The following TBPL1 variants were observed in gnomAD, a reference collection of about 807,000 sequenced individuals.
The protein encoded by TBPL1 is TATA-box binding protein like 1.
In TBPL1, 4 loss-of-function variants were observed where a neutral mutation model predicts 22.1. The ratio of observed to expected loss-of-function variants is 0.18; its 90% CI spans 0.09 to 0.41. The LOEUF is 0.41. Among genes scored for constraint, TBPL1 ranks in the 10% least tolerant of loss-of-function variants. TBPL1 has a pLI of 1.00. For synonymous variants in TBPL1, 64 were observed against 71.0 expected (o/e 0.90, Z 0.50); for missense variants, 115 against 222.3 (o/e 0.52, Z 3.07).
intron 1 of TBPL1, among the ~76,000 whole-genome samples, chr6:133,955,791 A>G (rs913848979): frequency 1.3e-5 from 2 of 152,324 alleles, no homozygotes; most frequent in Middle Eastern, 6.8e-3. Flanking sequence ...TTCTTATTCT[A>G]AAAAAATTAT....
In TBPL1 at chr6:133,987,625, TG is replaced by T. The variant is rs1490635174; in HGVS notation, c.*586del. Reference sequence around the variant, plus strand: ...GTTGGCTTCTTTTTGAAGTGTATTTTGTGTGTGTGTGTGTGTGTGTGTGTAT... The same window carrying T: ...GTTGGCTTCTTTTTGAAGTGTATTTTTGTGTGTGTGTGTGTGTGTGTGTAT... On this transcript the variant is annotated 3_prime_UTR_variant, in exon 7 of 7. Transcript: ENST00000237264. 5.3e-5 allele frequency: 2 copies of T among 37,766 alleles called. No homozygotes were observed. Among genetic ancestry groups the T allele is most frequent in the Non-Finnish European group, 1.8e-4 (2 of 10,916 alleles). The allele number at this position is 37,766 out of a possible 1,614,324, so 2.3% of individuals were successfully genotyped here. A position where few individuals can be genotyped will look rare whatever the true frequency, so the allele number is the denominator to read the frequency against.
At chr6:133,986,203 A>G (rs1347211461) in intron 6 of TBPL1, among the ~76,000 whole-genome samples, 1 of 152,168 alleles carries the variant, frequency 6.6e-6, no homozygotes, top group East Asian at 1.9e-4. Flanking sequence ...GAGAGTTTAC[A>G]GTGGGTGGAT....
intron 1 of TBPL1, among the ~76,000 whole-genome samples, chr6:133,959,847 A>T (rs993409608): frequency 6.6e-6 from 1 of 152,244 alleles, no homozygotes; most frequent in African/African-American, 2.4e-5. Context: ...AGATATGAAC[A>T]TAATAAAGTC....
intron 1 of TBPL1, among the ~76,000 whole-genome samples, chr6:133,967,218 T>G (rs949517242): frequency 5.3e-5 from 8 of 152,224 alleles, no homozygotes; most frequent in Non-Finnish European, 1.2e-4. Flanking sequence ...ATGCTTAGAT[T>G]TCCAGTTCAT....
At chr6:133,960,822 G>C (rs2114327665) in intron 1 of TBPL1, among the ~76,000 whole-genome samples, 1 of 152,278 alleles carries the variant, frequency 6.6e-6, no homozygotes, top group African/African-American at 2.4e-5. Flanking sequence ...ACATGGGTGA[G>C]TTAGAACCCT....
At chr6:133,985,367 C>T (rs1318543380) in intron 6 of TBPL1, among the ~76,000 whole-genome samples, 3 of 112,748 alleles carry the variant, frequency 2.7e-5, no homozygotes, top group Middle Eastern at 6.0e-3. Flanking sequence ...TATATGTATC[C>T]ATAGTATGAT....
chr6:133,981,281 C>A (rs1169343354), intron 2 of TBPL1, among the ~76,000 whole-genome samples: 1 of 152,072 alleles, frequency 6.6e-6, no homozygotes, highest in East Asian at 1.9e-4. Flanking sequence ...GTCATTAATT[C>A]TTAGTACTAG....
chr6:133,972,219 T>C (rs1776235735), intron 1 of TBPL1, among the ~76,000 whole-genome samples: 1 of 152,244 alleles, frequency 6.6e-6, no homozygotes, highest in African/African-American at 2.4e-5. Context: ...AAAGTCTGTC[T>C]ACATAACCAC....
In TBPL1 at chr6:133,974,922, A is replaced by G. The variant is rs537840023; in HGVS notation, c.-44-5160A>G. Among the ~76,000 whole-genome samples the G allele has an allele frequency of 2.1e-3, 316 of 152,352 alleles. 2 individuals carry two copies. Among genetic ancestry groups the G allele is most frequent in the African/African-American group, 7.2e-3 (300 of 41,590 alleles). On this transcript the variant is annotated intron_variant, in intron 1 of 6. Coordinates refer to ENST00000237264, the MANE Select transcript of TBPL1 (RefSeq NM_004865.4). ...TTTAATATCATTAGAATTAAGGGAT[A>G]ATGAAAACACATATCCAACTTCAGT... is the stretch of plus-strand genomic sequence containing the variant.
At chr6:133,961,389 G>A (rs1583809605) in intron 1 of TBPL1, among the ~76,000 whole-genome samples, 2 of 151,632 alleles carry the variant, frequency 1.3e-5, no homozygotes, top group South Asian at 4.2e-4. Flanking sequence ...CCCTCTGCCG[G>A]GTTGCTCTTC....
chr6:133,977,599 T>C (rs966161027), intron 1 of TBPL1, among the ~76,000 whole-genome samples: 1 of 152,236 alleles, frequency 6.6e-6, no homozygotes, highest in Non-Finnish European at 1.5e-5. Context: ...TTGATTCGCA[T>C]GAAGTTTCTT....
intron 2 of TBPL1, among the ~76,000 whole-genome samples, chr6:133,981,888 G>C (rs1776419846): frequency 2.6e-5 from 4 of 152,202 alleles, no homozygotes; most frequent in Admixed American, 1.3e-4. Context: ...TACACACTCT[G>C]TAGTTATTTC....
intron 1 of TBPL1, among the ~76,000 whole-genome samples, chr6:133,965,501 A>G (rs1194354551): frequency 6.6e-6 from 1 of 152,014 alleles, no homozygotes; most frequent in African/African-American, 2.4e-5. Context: ...TTCCTGTTTC[A>G]TTTGCCACCT....
chr6:133,984,827 C>T, intron 6 of TBPL1, 156 bp downstream of exon 6: 1 of 611,702 alleles, frequency 1.6e-6, no homozygotes, highest in Middle Eastern at 4.4e-4. Context: ...ATGCATTTTG[C>T]CTACTTTTGT....
intron 1 of TBPL1, among the ~76,000 whole-genome samples, chr6:133,968,078 G>A (rs1001126065): frequency 6.7e-6 from 1 of 149,814 alleles, no homozygotes; most frequent in Non-Finnish European, 1.5e-5. Context: ...ATGCAGTCTC[G>A]GCTCACTGCA....
intron 1 of TBPL1, among the ~76,000 whole-genome samples, chr6:133,966,174 A>G (rs889021721): frequency 6.6e-6 from 1 of 152,174 alleles, no homozygotes; most frequent in African/African-American, 2.4e-5. Context: ...GCTTACAGTT[A>G]AACTCTGCAG....
chr6:133,965,082 T>C (rs1466314624), intron 1 of TBPL1, among the ~76,000 whole-genome samples: 2 of 152,208 alleles, frequency 1.3e-5, no homozygotes, highest in Non-Finnish European at 2.9e-5. Context: ...GAAGATTTAT[T>C]CAGTCTTTTA....
At position 133,987,646 on chromosome 6, in the gene TBPL1, GTGTATA is replaced by G. The variant is rs1562670284; in HGVS notation, c.*608_*613del. Reference sequence around the variant, plus strand: ...ATTTTGTGTGTGTGTGTGTGTGTGTGTGTATATATATATATATATATGCACCACATG... The same window carrying G: ...ATTTTGTGTGTGTGTGTGTGTGTGTGTATATATATATATATGCACCACATG... On this transcript the variant is annotated 3_prime_UTR_variant, in exon 7 of 7. Coordinates refer to ENST00000237264, the MANE Select transcript of TBPL1 (RefSeq NM_004865.4). 1.5e-5 allele frequency: 2 copies of G among 133,332 alleles called. No individual in the cohort carries two copies. The highest frequency in any genetic ancestry group is 2.8e-5 in the African/African-American group (1 of 36,178). The allele number at this position is 133,332 out of a possible 1,614,324, so 8.3% of individuals were successfully genotyped here.
At chr6:133,966,198 T>C (rs935935042) in intron 1 of TBPL1, among the ~76,000 whole-genome samples, 11 of 152,100 alleles carry the variant, frequency 7.2e-5, no homozygotes, top group African/African-American at 2.7e-4. Context: ...TTTTATTGAA[T>C]GTGTATGGCG....
Sources: allele counts gnomAD v4.1 joint callset (sites outside exome capture counted in the v4.1 genomes callset), GRCh38; gene constraint gnomAD v4.1.1; transcripts MANE v1.5; gene names NCBI Gene and HGNC (gene_info 2026-07-23, HGNC 2026-07-21).